The following DOCK5 variants were observed in gnomAD, a reference collection of about 807,000 sequenced individuals.
DOCK5 encodes the protein dedicator of cytokinesis 5.
A neutral mutation model predicts 251.8 loss-of-function variants in DOCK5; 142 were observed. The ratio of observed to expected loss-of-function variants is 0.56; its 90% CI spans 0.49 to 0.65. The LOEUF (loss-of-function observed/expected upper bound fraction) is 0.65. Among genes scored for constraint, DOCK5 ranks in the 30% least tolerant of loss-of-function variants. The pLI, the probability that DOCK5 is intolerant of heterozygous loss-of-function variation, is 0.00. For missense variants in DOCK5, 2,111 were observed against 2,312.3 expected, an observed-to-expected ratio of 0.91 and a Z score of 1.79; for synonymous variants, 842 against 835.5, an observed-to-expected ratio of 1.01 and a Z score of -0.13.
intron 2 of DOCK5, among the ~76,000 whole-genome samples, chr8:25,252,006 AAAG>A (rs1803285741): frequency 6.6e-6 from 1 of 151,702 alleles, no homozygotes; most frequent in Non-Finnish European, 1.5e-5. Context: ...AAAAAAAAAA[AAAG>A]AGTGCTTTTA....
At chr8:25,226,466 G>C (rs1389097222) in intron 1 of DOCK5, among the ~76,000 whole-genome samples, 3 of 151,870 alleles carry the variant, frequency 2.0e-5, no homozygotes, top group Non-Finnish European at 4.4e-5. Flanking sequence ...GTTTCGCCAT[G>C]TTGGCCAGGC....
At chr8:25,382,899 G>T (rs1234628707) in intron 40 of DOCK5, 121 bp downstream of exon 40, 1 of 783,996 alleles carries the variant, frequency 1.3e-6, no homozygotes, top group African/African-American at 1.8e-5. Context: ...GGGAGGTAGG[G>T]GAGGGAAACC....
chr8:25,303,375 CT>C (rs1460377951), intron 10 of DOCK5, among the ~76,000 whole-genome samples: 1 of 152,164 alleles, frequency 6.6e-6, no homozygotes, highest in Non-Finnish European at 1.5e-5. Flanking sequence ...GAATAAAATA[CT>C]CGCTGGGAAG....
intron 23 of DOCK5, 45 bp from the exon 24 acceptor site, chr8:25,341,694 T>G: frequency 6.7e-7 from 1 of 1,502,392 alleles, no homozygotes; most frequent in Non-Finnish European, 9.1e-7. Context: ...ATACTGTATT[T>G]GTCTTGCCTG....
At chr8:25,201,454 G>T (rs1801876886) in intron 1 of DOCK5, among the ~76,000 whole-genome samples, 1 of 152,146 alleles carries the variant, frequency 6.6e-6, no homozygotes, top group Admixed American at 6.6e-5. Flanking sequence ...AAATATGTTT[G>T]AGTTACTGAA....
chr8:25,204,449 A>G (rs879551414), intron 1 of DOCK5, among the ~76,000 whole-genome samples: 5 of 152,090 alleles, frequency 3.3e-5, no homozygotes, highest in African/African-American at 9.7e-5. Context: ...AATATTTTCT[A>G]TTACCTTCTA....
chr8:25,274,938 G>T (rs1804005505), intron 3 of DOCK5, among the ~76,000 whole-genome samples: 1 of 152,138 alleles, frequency 6.6e-6, no homozygotes, highest in East Asian at 1.9e-4. Context: ...TGCTTTGTGG[G>T]AAGGAGGTTT....
intron 1 of DOCK5, among the ~76,000 whole-genome samples, chr8:25,186,457 C>T (rs964643409): frequency 3.3e-5 from 5 of 151,662 alleles, no homozygotes; most frequent in African/African-American, 9.7e-5. Flanking sequence ...TCACTGCAAG[C>T]TCCACCTCTA....
chr8:25,377,885 G>A (rs1030521086), intron 38 of DOCK5, among the ~76,000 whole-genome samples: 6 of 151,224 alleles, frequency 4.0e-5, no homozygotes, highest in African/African-American at 1.5e-4. Flanking sequence ...CAAGCCATGG[G>A]TGTACAGAGT....
intron 38 of DOCK5, 46 bp downstream of exon 38, chr8:25,377,470 C>A: frequency 1.3e-6 from 2 of 1,582,014 alleles, no homozygotes; most frequent in Non-Finnish European, 1.7e-6. Context: ...GGAAAATGAC[C>A]GCAGTATCGC....
chr8:25,202,338 C>A (rs1005373148), intron 1 of DOCK5, among the ~76,000 whole-genome samples: 3 of 152,164 alleles, frequency 2.0e-5, no homozygotes, highest in African/African-American at 7.2e-5. Context: ...TTTGAATTCC[C>A]AGGGATCTCT....
intron 40 of DOCK5, 21 bp from the exon 41 acceptor site, chr8:25,389,070 C>CT: frequency 8.1e-6 from 13 of 1,611,656 alleles, no homozygotes; most frequent in Non-Finnish European, 1.1e-5. Context: ...AATGACTTCC[C>CT]TTTCTGTGTC....
chr8:25,269,285 C>T (rs947574264), intron 3 of DOCK5, among the ~76,000 whole-genome samples: 2 of 152,188 alleles, frequency 1.3e-5, no homozygotes, highest in African/African-American at 4.8e-5. Flanking sequence ...TTGATCCTTT[C>T]CTTCATTGTA....
intron 25 of DOCK5, 169 bp from the exon 26 acceptor site, chr8:25,345,306 C>T (rs575958735): frequency 1.5e-4 from 104 of 689,200 alleles, no homozygotes; most frequent in Non-Finnish European, 2.2e-4. Flanking sequence ...GGTAAAGTTC[C>T]GTGCCTAAAA....
Position 25,351,834 on chromosome 8 carries a change from T to A in DOCK5, c.2850+8T>A, listed in dbSNP as rs755518218. On this transcript the variant is annotated splice_region_variant and intron_variant, in intron 27 of 51. Coordinates refer to ENST00000276440, the MANE Select transcript of DOCK5 (RefSeq NM_024940.8). ...CGGCAGTCTCCCCACATCGTGAGTA[T>A]CTCTTTGTTGGATCCCACGGCCGCT... 6.2e-7 allele frequency: 1 copy of A among 1,612,390 alleles called. No homozygotes were observed. The highest frequency in any genetic ancestry group is 1.7e-5 in the Admixed American group (1 of 59,946).
chr8:25,263,288 G>A (rs7821596), intron 2 of DOCK5, among the ~76,000 whole-genome samples: 33,181 of 151,402 alleles, frequency 0.22, 4,942 homozygotes, highest in African/African-American at 0.39. Flanking sequence ...TTTATCATCT[G>A]TCTTGGGGAC....
intron 2 of DOCK5, among the ~76,000 whole-genome samples, chr8:25,249,443 C>T (rs754511325): frequency 2.6e-5 from 4 of 152,196 alleles, no homozygotes; most frequent in Admixed American, 6.5e-5. Flanking sequence ...TATCTACTTT[C>T]AGAACACTTT....
intron 5 of DOCK5, 119 bp downstream of exon 5, chr8:25,278,784 G>T: frequency 4.5e-6 from 4 of 898,664 alleles, no homozygotes; most frequent in Non-Finnish European, 7.0e-6. Flanking sequence ...ATTCTCCCTG[G>T]ATCACACAAA....
intron 1 of DOCK5, among the ~76,000 whole-genome samples, chr8:25,234,006 G>A (rs375887735): frequency 1.3e-5 from 2 of 152,326 alleles, no homozygotes; most frequent in South Asian, 4.1e-4. Flanking sequence ...AAATCCTCCT[G>A]AGTAGGATCC....
Sources: allele counts gnomAD v4.1 joint callset (sites outside exome capture counted in the v4.1 genomes callset), GRCh38; gene constraint gnomAD v4.1.1; transcripts MANE v1.5; gene names NCBI Gene and HGNC (gene_info 2026-07-23, HGNC 2026-07-21).